Variants in MAP4 observed in about 807,000 individuals in gnomAD.
MAP4 encodes microtubule-associated protein 4.
A neutral mutation model predicts 170.2 loss-of-function variants in MAP4; 76 were observed. The ratio of observed to expected loss-of-function variants is 0.45; its 90% confidence interval spans 0.37 to 0.54. MAP4 has a LOEUF of 0.54. Among genes scored for constraint, MAP4 ranks in the 20% least tolerant of loss-of-function variants. The pLI, the probability that MAP4 is intolerant of heterozygous loss-of-function variation, is 0.00. For synonymous variants in MAP4, 909 were observed against 994.5 expected, an observed-to-expected ratio of 0.91 and a Z score of 1.62; for missense variants, 2,506 against 2,748.0, an observed-to-expected ratio of 0.91 and a Z score of 1.97.
intron 10 of MAP4, among the ~76,000 whole-genome samples, chr3:47,897,911 C>T (rs2100027809): frequency 7.0e-6 from 1 of 143,600 alleles, no homozygotes; most frequent in Non-Finnish European, 1.5e-5. Flanking sequence ...CACTGCACTC[C>T]AGGCCAGGCA....
intron 3 of MAP4, among the ~76,000 whole-genome samples, chr3:47,934,522 G>C (rs1039206207): frequency 2.6e-5 from 4 of 152,142 alleles, no homozygotes; most frequent in African/African-American, 9.7e-5. Context: ...GGCTGGTCTT[G>C]AACTTCTGGG....
In MAP4 at chr3:47,931,656, A is replaced by T. The variant is rs868296037; in HGVS notation, c.293-3306T>A. On this transcript the variant is annotated intron_variant, in intron 3 of 20. Transcript: ENST00000683076. Reference sequence around the variant, plus strand: ...ACCACACCTGCCTAATTTAAACAAAATTTTTTTTTTTTTTTTTTTGTAGAG... The same window carrying T: ...ACCACACCTGCCTAATTTAAACAAATTTTTTTTTTTTTTTTTTTTGTAGAG... 1.6e-3 allele frequency among the ~76,000 whole-genome samples: 209 copies of T among 131,378 alleles called. 1 individual carries two copies. Among genetic ancestry groups the T allele is most frequent in the South Asian group, 6.7e-3 (27 of 4,018 alleles). 86.2% of individuals were successfully genotyped at this position (131,378 alleles called of 152,430 possible).
In MAP4 at chr3:47,855,805, C is replaced by A. The variant is rs1381495243; in HGVS notation, c.6584-445G>T. On this transcript the variant is annotated intron_variant, in intron 18 of 20. Transcript: ENST00000683076. The surrounding 1 kb of genome is among the most constrained non-coding windows in gnomAD (Gnocchi z 5.1). Reference sequence around the variant, plus strand: ...ACGGCCACGGTCCCTGCTTCCCAGCCGGTAAAACTGATGCTGCAAAAGAGA... The same window carrying A: ...ACGGCCACGGTCCCTGCTTCCCAGCAGGTAAAACTGATGCTGCAAAAGAGA... Among the ~76,000 whole-genome samples the A allele has an allele frequency of 6.6e-6, 1 of 152,180 alleles. No individual in the cohort carries two copies. Among genetic ancestry groups the A allele is most frequent in the Non-Finnish European group, 1.5e-5 (1 of 68,044 alleles).
chr3:47,857,327 A>G, intron 18 of MAP4, 104 bp downstream of exon 18: 1 of 872,814 alleles, frequency 1.1e-6, no homozygotes, highest in South Asian at 1.4e-5. Flanking sequence ...ATGGGATGCT[A>G]AAGGCACAGA....
intron 3 of MAP4, among the ~76,000 whole-genome samples, chr3:47,936,000 A>ATCTT (rs2100052595): frequency 1.3e-5 from 2 of 151,758 alleles, no homozygotes; most frequent in Admixed American, 1.3e-4. Context: ...TTTATATAAG[A>ATCTT]ATATAAAATT....
chr3:48,036,355 A>G (rs997816160), intron 1 of MAP4, among the ~76,000 whole-genome samples: 41 of 152,100 alleles, frequency 2.7e-4, no homozygotes, highest in Non-Finnish European at 1.5e-4. Context: ...CTTCACCAAC[A>G]CCACTACCGA....
At chr3:47,987,383 C>T in intron 2 of MAP4, 3 of 1,531,282 alleles carry the variant, frequency 2.0e-6, no homozygotes, top group Non-Finnish European at 2.6e-6. Flanking sequence ...AAGCACTTAC[C>T]AAGAGGAAGA....
chr3:47,995,414 C>T (rs1299007109), intron 2 of MAP4, among the ~76,000 whole-genome samples: 1 of 151,990 alleles, frequency 6.6e-6, no homozygotes, highest in African/African-American at 2.4e-5. Context: ...TTACCCCTGG[C>T]TAATTTTTGT....
chr3:47,894,187 T>C (rs1366300270), intron 10 of MAP4, among the ~76,000 whole-genome samples: 1 of 152,200 alleles, frequency 6.6e-6, no homozygotes, highest in African/African-American at 2.4e-5. Flanking sequence ...GCAAGGAACC[T>C]GGTTTCCATA....
upstream of MAP4, among the ~76,000 whole-genome samples, chr3:48,019,351 GAGAGAGAA>G (rs2100109432): frequency 6.6e-6 from 1 of 152,140 alleles, no homozygotes; most frequent in African/African-American, 2.4e-5. Context: ...CTGAGGGACA[GAGAGAGAA>G]AGAGAGAAAG....
At chr3:47,933,956 T>G (rs1341096202) in intron 3 of MAP4, among the ~76,000 whole-genome samples, 3 of 152,198 alleles carry the variant, frequency 2.0e-5, no homozygotes, top group South Asian at 4.1e-4. Context: ...CAGAGCTGAA[T>G]GTGGTGAAAT....
chr3:47,873,606 A>G (rs2094253302), intron 12 of MAP4, among the ~76,000 whole-genome samples: 1 of 152,236 alleles, frequency 6.6e-6, no homozygotes. Context: ...TGGTGTGAAG[A>G]ACGCTAAGGC....
chr3:48,052,538 T>A (rs2100128494), intron 1 of MAP4, among the ~76,000 whole-genome samples: 1 of 152,194 alleles, frequency 6.6e-6, no homozygotes. Context: ...ATGAAAATGT[T>A]CTAAAACTGA....
chr3:48,049,014 C>T (rs1322956454), intron 1 of MAP4, among the ~76,000 whole-genome samples: 2 of 152,178 alleles, frequency 1.3e-5, no homozygotes, highest in African/African-American at 4.8e-5. Context: ...ATAAATGGAA[C>T]TATATAATAT....
At chr3:47,982,627 G>A (rs539484170) in intron 2 of MAP4, among the ~76,000 whole-genome samples, 3 of 152,088 alleles carry the variant, frequency 2.0e-5, no homozygotes, top group Non-Finnish European at 4.4e-5. Context: ...GAATTTATCA[G>A]AATTCTGAGT....
chr3:47,986,624 G>GC (rs1270735927), intron 2 of MAP4, among the ~76,000 whole-genome samples: 4 of 152,130 alleles, frequency 2.6e-5, no homozygotes, highest in Admixed American at 1.3e-4. Context: ...ACAGGCTTGA[G>GC]CCCCCGGGTC....
chr3:47,872,608 G>A (rs2093773550), intron 12 of MAP4, among the ~76,000 whole-genome samples: 1 of 152,182 alleles, frequency 6.6e-6, no homozygotes, highest in South Asian at 2.1e-4. Context: ...AACTGGCCAT[G>A]CAGGGTGCTA....
chr3:47,904,010 A>T (rs2100031528), intron 9 of MAP4, among the ~76,000 whole-genome samples: 1 of 152,190 alleles, frequency 6.6e-6, no homozygotes, highest in African/African-American at 2.4e-5. Flanking sequence ...CCTAGATACT[A>T]AAAAAAGTCT....
chr3:47,989,385 T>G (rs1415730604), intron 2 of MAP4, among the ~76,000 whole-genome samples: 1 of 152,224 alleles, frequency 6.6e-6, no homozygotes, highest in East Asian at 1.9e-4. Flanking sequence ...ACCTGGGAAG[T>G]GGGACTAAAT....
Sources: gnomAD v4.1 joint callset for allele counts (sites outside exome capture counted in the v4.1 genomes callset) on GRCh38, gnomAD v4.1.1 for gene constraint, Gnocchi (gnomAD v3.1) non-coding constraint, MANE v1.5 for transcripts, NCBI Gene and HGNC (gene_info 2026-07-23, HGNC 2026-07-21) for gene names.